The following ANKRD62 variants were observed in gnomAD, a reference collection of about 807,000 sequenced individuals.
ANKRD62 encodes the protein ankyrin repeat domain 62.
Under a neutral mutation model 98.8 loss-of-function variants are expected in ANKRD62, and 61 were observed. The ratio of observed to expected loss-of-function variants is 0.62; its 90% CI spans 0.50 to 0.76. The LOEUF is 0.76. Among genes scored for constraint, ANKRD62 ranks in the 30% least tolerant of loss-of-function variants. The probability of loss-of-function intolerance (pLI) is 0.00; values close to 1 mark genes in which losing one functional copy is unlikely to be tolerated. For synonymous variants in ANKRD62, 341 were observed against 367.9 expected, an observed-to-expected ratio of 0.93 and a Z score of 0.84; for missense variants, 933 against 1,082.9, an observed-to-expected ratio of 0.86 and a Z score of 1.94.
chr18:12,139,548 A>C, the ANKRD62 span, among the ~76,000 whole-genome samples: 1 of 152,016 alleles, frequency 6.6e-6, no homozygotes, highest in Non-Finnish European at 1.5e-5. Flanking sequence ...TGGGAGGCTG[A>C]GCTAGGAGAA....
the ANKRD62 span, among the ~76,000 whole-genome samples, chr18:12,136,193 T>C: frequency 6.6e-6 from 1 of 152,140 alleles, no homozygotes; most frequent in Non-Finnish European, 1.5e-5. Context: ...CATTTAAGTC[T>C]TTAATCCATC....
intron 8 of ANKRD62, among the ~76,000 whole-genome samples, chr18:12,112,013 G>T (rs1211096260): frequency 6.6e-6 from 1 of 151,080 alleles, no homozygotes; most frequent in Non-Finnish European, 1.5e-5. Flanking sequence ...GGGAGGCTGA[G>T]GCAAGAGAGT....
chr18:12,094,874 G>A, intron 1 of ANKRD62, among the ~76,000 whole-genome samples: 1 of 130,676 alleles, frequency 7.7e-6, no homozygotes, highest in Non-Finnish European at 1.6e-5. Flanking sequence ...TGGCTGGGGT[G>A]GGGGTTGGAT....
the ANKRD62 span, among the ~76,000 whole-genome samples, chr18:12,156,765 T>TA: frequency 1.1e-4 from 16 of 151,576 alleles, no homozygotes; most frequent in African/African-American, 3.9e-4. Flanking sequence ...TTTGTTTTCA[T>TA]AAAAAATATC....
At chr18:12,154,207 A>C in the ANKRD62 span, among the ~76,000 whole-genome samples, 3 of 152,250 alleles carry the variant, frequency 2.0e-5, no homozygotes, top group South Asian at 6.2e-4. Context: ...TGAATCTGAC[A>C]AAGCTCTAAT....
the ANKRD62 span, among the ~76,000 whole-genome samples, chr18:12,154,073 G>A: frequency 6.6e-6 from 1 of 152,102 alleles, no homozygotes; most frequent in African/African-American, 2.4e-5. Flanking sequence ...AAGACAAAAA[G>A]CAATCACAGT....
chr18:12,096,935 A>G (rs1909194579), intron 4 of ANKRD62, among the ~76,000 whole-genome samples: 1 of 152,134 alleles, frequency 6.6e-6, no homozygotes, highest in South Asian at 2.1e-4. Flanking sequence ...GCTAGCTTCA[A>G]CTGGGTGAAC....
rs911093974 is a variant in ANKRD62, at chr18:12,103,145, G to A, written c.821-13G>A. ...GTAGTTCATTTTAACTAAATATATGGATTTGTGAGCAGAACAAGACTTAGA... is the reference window on the plus strand; with the variant it reads ...GTAGTTCATTTTAACTAAATATATGAATTTGTGAGCAGAACAAGACTTAGA... On this transcript the variant is annotated splice_polypyrimidine_tract_variant and intron_variant, in intron 6 of 13. Transcript: ENST00000587848. 7.3e-7 allele frequency: 1 copy of A among 1,371,924 alleles called. No individual in the cohort carries two copies. The highest frequency in any genetic ancestry group is 9.5e-7 in the Non-Finnish European group (1 of 1,055,064). 85.0% of individuals were successfully genotyped at this position (1,371,924 alleles called of 1,614,324 possible).
Position 12,097,753 on chromosome 18 carries a change from A to C in ANKRD62, c.728A>C (p.Tyr243Ser). The change falls in exon 5 of 14, where the codon TAC (tyrosine) becomes TCC (serine). Residue 243 changes from tyrosine (Y) to serine (S), a missense_variant. Physicochemically the swap from Tyr to Ser is moderately radical, Grantham distance 144 (BLOSUM62 -2). Coordinates refer to ENST00000587848, the MANE Select transcript of ANKRD62 (RefSeq NM_001277333.2). The part of the protein sequence containing the change: ...QDISGWTAED[Y>S]AVASKFQAIR... Reference sequence around the variant, plus strand: ...ATATCTGGATGGACTGCAGAAGACTACGCTGTTGCTTCTAAGTTTCAAGCG... The same window carrying C: ...ATATCTGGATGGACTGCAGAAGACTCCGCTGTTGCTTCTAAGTTTCAAGCG... The C allele has an allele frequency of 6.5e-7, 1 of 1,535,742 alleles. No individual in the cohort carries two copies. The highest frequency in any genetic ancestry group is 8.7e-7 in the Non-Finnish European group (1 of 1,146,608).
chr18:12,173,272 A>G, the ANKRD62 span, among the ~76,000 whole-genome samples: 3 of 152,156 alleles, frequency 2.0e-5, no homozygotes, highest in South Asian at 2.1e-4. Flanking sequence ...TTTTTGATCT[A>G]TGTTGGCTTA....
chr18:12,150,132 A>T, the ANKRD62 span, among the ~76,000 whole-genome samples: 1 of 152,262 alleles, frequency 6.6e-6, no homozygotes, highest in African/African-American at 2.4e-5. Context: ...GGAGTTGAGT[A>T]ACACAATACA....
chr18:12,173,962 A>G, the ANKRD62 span, among the ~76,000 whole-genome samples: 1 of 152,090 alleles, frequency 6.6e-6, no homozygotes, highest in African/African-American at 2.4e-5. Flanking sequence ...TCTGATAATT[A>G]TGTGTCTTTG....
chr18:12,134,580 T>C (rs142012800), downstream of ANKRD62, among the ~76,000 whole-genome samples: 176 of 152,166 alleles, frequency 1.2e-3, 1 homozygote, highest in Admixed American at 2.6e-3. Flanking sequence ...TGTGTCCAGG[T>C]GTTCTCATTG....
intron 10 of ANKRD62, among the ~76,000 whole-genome samples, chr18:12,121,961 T>G (rs1909791090): frequency 6.6e-6 from 1 of 152,170 alleles, no homozygotes; most frequent in South Asian, 2.1e-4. Flanking sequence ...ATTTTTTATT[T>G]CTCAGTGTCT....
chr18:12,103,886 A>G lies in ANKRD62; in HGVS notation c.891+658A>G, dbSNP rs148899638. Among the ~76,000 whole-genome samples the G allele has an allele frequency of 6.6e-5, 10 of 152,270 alleles. No homozygotes were observed. The East Asian group carries it at 1.9e-3, about 29-fold the overall frequency. Reference sequence around the variant, plus strand: ...GGACCTGAAAATTTATTAGAACTTGACTTAAGCCTATAGTTTATATAGCTA... The same window carrying G: ...GGACCTGAAAATTTATTAGAACTTGGCTTAAGCCTATAGTTTATATAGCTA... On this transcript the variant is annotated intron_variant, in intron 7 of 13. Coordinates refer to ENST00000587848, the MANE Select transcript of ANKRD62 (RefSeq NM_001277333.2).
chr18:12,104,512 G>A (rs528957284), intron 7 of ANKRD62, among the ~76,000 whole-genome samples: 1 of 152,200 alleles, frequency 6.6e-6, no homozygotes, highest in South Asian at 2.1e-4. Context: ...ACTCCCTTAT[G>A]TGCAAAAGTA....
intron 8 of ANKRD62, among the ~76,000 whole-genome samples, chr18:12,109,658 C>A (rs1598733399): frequency 6.6e-6 from 1 of 152,238 alleles, no homozygotes; most frequent in East Asian, 1.9e-4. Flanking sequence ...AGGGATTGTA[C>A]ATGGGGATCC....
the ANKRD62 span, among the ~76,000 whole-genome samples, chr18:12,141,436 C>G: frequency 6.6e-6 from 1 of 152,320 alleles, no homozygotes. Flanking sequence ...GTCGCTCACA[C>G]TGGGAGCTGT....
intron 5 of ANKRD62, chr18:12,098,356 G>A (rs566431826): frequency 6.6e-6 from 1 of 152,238 alleles, no homozygotes; most frequent in Admixed American, 6.5e-5. Context: ...GTCTCAAGTA[G>A]GTGAGTTGGA....
Sources: allele counts gnomAD v4.1 joint callset (sites outside exome capture counted in the v4.1 genomes callset), GRCh38; gene constraint gnomAD v4.1.1; transcripts MANE v1.5; gene names NCBI Gene and HGNC (gene_info 2026-07-23, HGNC 2026-07-21).